The following TIMM44 variants were observed in gnomAD, a reference collection of about 807,000 sequenced individuals.
TIMM44 encodes the protein translocase of inner mitochondrial membrane 44, also known as mitochondrial import inner membrane translocase subunit TIM44.
Under a neutral mutation model 63.8 loss-of-function variants are expected in TIMM44, and 37 were observed. The observed-to-expected ratio is 0.58, with a 90% CI of 0.45 to 0.76. The LOEUF (loss-of-function observed/expected upper bound fraction) is 0.76, where lower values mean the gene tolerates loss of function less well. TIMM44 is among the 30% of genes least tolerant of loss of function. The pLI is 0.00. For missense variants in TIMM44, 573 were observed against 603.8 expected (o/e 0.95, Z 0.54); for synonymous variants, 239 against 245.1 (o/e 0.98, Z 0.23).
intron 2 of TIMM44, among the ~76,000 whole-genome samples, chr19:7,940,099 G>GTC (rs943261118): frequency 8.5e-5 from 13 of 152,164 alleles, no homozygotes; most frequent in African/African-American, 2.9e-4. Flanking sequence ...GCCCCGTGGA[G>GTC]TCACACACCT....
At chr19:7,932,601 A>G (rs780116107) in intron 9 of TIMM44, 26 bp downstream of exon 9, 1 of 1,611,060 alleles carries the variant, frequency 6.2e-7, no homozygotes, top group Non-Finnish European at 8.5e-7. Context: ...GCCGCCTGGG[A>G]GGGGTCCTGG....
Position 7,943,624 on chromosome 19 carries a change from A to T in TIMM44, c.28T>A (p.Trp10Arg). 6.4e-7 allele frequency: 1 copy of T among 1,573,588 alleles called. No individual in the cohort carries two copies. The highest frequency in any genetic ancestry group is 1.1e-5 in the South Asian group (1 of 87,364). MAAAALRSG[W>R]CRCPRRCLGS... is the part of the protein sequence containing the mutation. The stretch of plus-strand genomic sequence containing the variant: ...CCGCTCACCCGTGGACAGCGGCACC[A>T]GCCACTCCGCAGGGCCGCCGCCGCC... Residue 10 changes from tryptophan to arginine, a missense_variant, in exon 1 of 13, where the codon TGG becomes AGG. Trp to Arg is a moderately radical substitution (Grantham distance 101, BLOSUM62 -3). Coordinates refer to ENST00000270538, the MANE Select transcript of TIMM44 (RefSeq NM_006351.4). This position sits in a 1 kb window ranked among gnomAD's most constrained non-coding sequence, Gnocchi z 4.3.
At position 7,934,013 on chromosome 19, in the gene TIMM44, A is replaced by G; in HGVS notation, c.544-10T>C. On this transcript the variant is annotated splice_polypyrimidine_tract_variant and intron_variant, in intron 5 of 12. Transcript: ENST00000270538. This position sits in a 1 kb window ranked among gnomAD's most constrained non-coding sequence, Gnocchi z 5.3. ...TCACGGACTCCACCCCCTGCGAGGG[A>G]GGCACAGCGGGGCTGGGGTGGGTGT... 1 of 1,613,502 alleles carries G rather than the reference A, an allele frequency of 6.2e-7. No homozygotes were observed.
Position 7,933,031 on chromosome 19 carries a change from ACCCTGACAC to A in TIMM44, c.770-108_770-100del. The A allele has an allele frequency of 1.0e-6, 1 of 966,806 alleles. No homozygotes were observed. 59.9% of individuals were successfully genotyped at this position (966,806 alleles called of 1,614,324 possible). ...GCTCCCTGTGACCCCTGCGGGATCC[ACCCTGACAC>A]GGGTGGGGTCAGGGAGGGGACGGCT... On this transcript the variant is annotated intron_variant, in intron 7 of 12. Coordinates refer to ENST00000270538, the MANE Select transcript of TIMM44 (RefSeq NM_006351.4). The surrounding 1 kb of genome is among the most constrained non-coding windows in gnomAD (Gnocchi z 4.3).
chr19:7,935,356 G>C (rs1343727826), intron 3 of TIMM44: 14 of 548,010 alleles, frequency 2.6e-5, no homozygotes, highest in Non-Finnish European at 3.6e-5. Flanking sequence ...GTAGAGACAG[G>C]GTTTTACCAC....
At chr19:7,931,725 C>G (rs1406560219) in intron 9 of TIMM44, 1 of 163,938 alleles carries the variant, frequency 6.1e-6, no homozygotes, top group African/African-American at 2.4e-5. Context: ...TGGGCCGGAT[C>G]CGATGAGGGG....
chr19:7,935,280 C>T, intron 3 of TIMM44, 135 bp from the exon 4 acceptor site: 1 of 795,458 alleles, frequency 1.3e-6, no homozygotes. Context: ...ATTTTCCTGC[C>T]CCAGCCTCCC....
At chr19:7,937,770 C>G in intron 3 of TIMM44, 1 of 440,316 alleles carries the variant, frequency 2.3e-6, no homozygotes, top group Non-Finnish European at 4.2e-6. Flanking sequence ...GTAATCCCAG[C>G]ACTTTGGAAG....
intron 10 of TIMM44, among the ~76,000 whole-genome samples, chr19:7,929,324 A>G (rs1983913248): frequency 6.6e-6 from 1 of 152,220 alleles, no homozygotes; most frequent in African/African-American, 2.4e-5. Context: ...CTGAGGCCTC[A>G]TCAGGACACA....
intron 10 of TIMM44, among the ~76,000 whole-genome samples, chr19:7,929,447 G>A (rs546086935): frequency 7.9e-5 from 12 of 152,268 alleles, no homozygotes; most frequent in South Asian, 2.1e-4. Flanking sequence ...ACCCACTGCC[G>A]CAACCCCATC....
intron 1 of TIMM44, among the ~76,000 whole-genome samples, chr19:7,942,176 G>T (rs974635677): frequency 6.6e-6 from 1 of 152,108 alleles, no homozygotes; most frequent in East Asian, 1.9e-4. Flanking sequence ...GTGAAATCCC[G>T]TCTCTACCAA....
intron 2 of TIMM44, among the ~76,000 whole-genome samples, chr19:7,940,225 C>G (rs1481106204): frequency 6.6e-6 from 1 of 151,242 alleles, no homozygotes; most frequent in Non-Finnish European, 1.5e-5. Flanking sequence ...AGAGTGAGAC[C>G]CTATCTTAAA....
intron 3 of TIMM44, among the ~76,000 whole-genome samples, chr19:7,935,574 A>T (rs560467): frequency 0.029 from 4,485 of 152,278 alleles, 208 homozygotes; most frequent in African/African-American, 0.1. Flanking sequence ...CGCACCTGCC[A>T]GCATGTGCTG....
chr19:7,931,300 C>T, intron 9 of TIMM44, 112 bp from the exon 10 acceptor site: 1 of 994,304 alleles, frequency 1.0e-6, no homozygotes, highest in South Asian at 1.3e-5. Context: ...CTCAGACACC[C>T]CCGGCTGCCA....
rs769166812 is a variant in TIMM44, at chr19:7,941,124, C to G, written c.119G>C (p.Arg40Pro). The G allele has an allele frequency of 6.2e-7, 1 of 1,614,052 alleles. No individual in the cohort carries two copies. Among genetic ancestry groups the G allele is most frequent in the South Asian group, 1.1e-5 (1 of 91,070 alleles). ...LPHGSTYQMRRPGGELPLSKS... is the reference protein window; with the variant it reads ...LPHGSTYQMRPPGGELPLSKS... ...CACCAGTGGCAGCTCTCCGCCCGGCCGGCGCATCTGATAGGTCGACCCATG... is the reference window on the plus strand; with the variant it reads ...CACCAGTGGCAGCTCTCCGCCCGGCGGGCGCATCTGATAGGTCGACCCATG... Residue 40 changes from arginine to proline, a missense_variant, in exon 2 of 13, where the codon CGG (arginine) becomes CCG (proline). Transcript: ENST00000270538.
chr19:7,928,343 C>G (rs1983878588), intron 10 of TIMM44, 177 bp from the exon 11 acceptor site: 2 of 604,804 alleles, frequency 3.3e-6, no homozygotes, highest in Admixed American at 2.8e-5. Flanking sequence ...TGGCCCAGAT[C>G]ACACGCTTCC....
At chr19:7,928,429 G>T (rs1983880663) in intron 10 of TIMM44, 1 of 508,264 alleles carries the variant, frequency 2.0e-6, no homozygotes, top group Admixed American at 3.5e-5. Flanking sequence ...GATTCTCTTG[G>T]AACAAAATCC....
At position 7,932,635 on chromosome 19, in the gene TIMM44, C is replaced by T; in HGVS notation, c.979G>A (p.Val327Ile). 1.2e-6 allele frequency: 2 copies of T among 1,613,630 alleles called. No homozygotes were observed. The highest frequency in any genetic ancestry group is 1.7e-6 in the Non-Finnish European group (2 of 1,180,006). ...KQCENDIIPN[V>I]LEAMISGELD... is the part of the protein sequence containing the mutation. ...GGGGGTGTGGCACCCACCTCCAGGA[C>T]ATTGGGGATGATGTCGTTCTCGCAC... The change falls in exon 9 of 13, where the codon GTC becomes ATC. Residue 327 changes from valine (V) to isoleucine (I), a missense_variant. Val to Ile is a conservative substitution (Grantham distance 29). Coordinates refer to ENST00000270538, the MANE Select transcript of TIMM44 (RefSeq NM_006351.4).
intron 2 of TIMM44, among the ~76,000 whole-genome samples, chr19:7,940,133 T>C (rs910866864): frequency 6.6e-6 from 1 of 150,492 alleles, no homozygotes; most frequent in Admixed American, 6.6e-5. Flanking sequence ...CTCAGAAGGC[T>C]GAGGTGGGAG....
Sources: gnomAD v4.1 joint callset for allele counts (sites outside exome capture counted in the v4.1 genomes callset) on GRCh38, gnomAD v4.1.1 for gene constraint, Gnocchi (gnomAD v3.1) non-coding constraint, MANE v1.5 for transcripts, NCBI Gene and HGNC (gene_info 2026-07-23, HGNC 2026-07-21) for gene names.